The following STAG1 variants were observed in gnomAD, a reference collection of about 807,000 sequenced individuals.
STAG1 encodes the protein cohesin subunit SA-1.
In STAG1, 26 loss-of-function variants were observed where a neutral mutation model predicts 170.9. The observed-to-expected ratio is 0.15, with a 90% CI of 0.11 to 0.21. The LOEUF (loss-of-function observed/expected upper bound fraction) is 0.21, where lower values mean the gene tolerates loss of function less well. STAG1 is among the 10% of genes least tolerant of loss of function. The pLI is 1.00. For missense variants in STAG1, 964 were observed against 1,509.5 expected, an observed-to-expected ratio of 0.64 and a Z score of 5.99; for synonymous variants, 514 against 497.7, an observed-to-expected ratio of 1.03 and a Z score of -0.44.
chr3:136,566,538 T>C (rs1284093580), intron 5 of STAG1, among the ~76,000 whole-genome samples: 3 of 152,238 alleles, frequency 2.0e-5, no homozygotes, highest in African/African-American at 4.8e-5. Flanking sequence ...CTTACTTGTA[T>C]ATTACGTGAA....
chr3:136,356,355 C>T (rs1395056580), intron 28 of STAG1, among the ~76,000 whole-genome samples: 1 of 152,184 alleles, frequency 6.6e-6, no homozygotes, highest in Admixed American at 6.5e-5. Flanking sequence ...CTCCAAAATT[C>T]TATTTATTTA....
At chr3:136,685,977 A>C (rs1054510135) in intron 1 of STAG1, among the ~76,000 whole-genome samples, 1 of 152,248 alleles carries the variant, frequency 6.6e-6, no homozygotes, top group African/African-American at 2.4e-5. Context: ...GTTTTAATAG[A>C]AAGCTCATTG....
chr3:136,451,919 T>G, intron 14 of STAG1, 114 bp downstream of exon 14: 1 of 677,748 alleles, frequency 1.5e-6, no homozygotes, highest in Non-Finnish European at 2.4e-6. Flanking sequence ...TTCATGAAGG[T>G]AACTTTATAA....
intron 3 of STAG1, among the ~76,000 whole-genome samples, chr3:136,608,710 A>G (rs1307401311): frequency 6.2e-5 from 8 of 128,834 alleles, no homozygotes; most frequent in Non-Finnish European, 8.1e-5. Flanking sequence ...AGGCTGAAGT[A>G]GGAGAATCGA....
At chr3:136,382,473 G>C (rs1272056929) in intron 22 of STAG1, among the ~76,000 whole-genome samples, 1 of 151,018 alleles carries the variant, frequency 6.6e-6, no homozygotes, top group African/African-American at 2.4e-5. Flanking sequence ...CGCTATCTCG[G>C]CTCATTGCAA....
intron 9 of STAG1, among the ~76,000 whole-genome samples, chr3:136,486,394 T>C (rs1422870666): frequency 6.6e-6 from 1 of 152,168 alleles, no homozygotes; most frequent in Non-Finnish European, 1.5e-5. Context: ...TACTGGGATG[T>C]CCAAATAAAA....
At chr3:136,566,272 A>G (rs1937072521) in intron 5 of STAG1, among the ~76,000 whole-genome samples, 1 of 152,154 alleles carries the variant, frequency 6.6e-6, no homozygotes, top group South Asian at 2.1e-4. Flanking sequence ...GGACTCCAGA[A>G]AACGCTCTCA....
chr3:136,482,014 C>T (rs1258939128), intron 9 of STAG1, among the ~76,000 whole-genome samples: 1 of 47,698 alleles, frequency 2.1e-5, no homozygotes. Flanking sequence ...TTTGTTGATC[C>T]TTTCAAAAAA....
chr3:136,692,313 CAAAAAAAAA>C (rs71157399), intron 1 of STAG1, among the ~76,000 whole-genome samples: 6 of 46,228 alleles, frequency 1.3e-4, no homozygotes, highest in East Asian at 1.3e-3. Context: ...GACTCCATCT[CAAAAAAAAA>C]AAAAAAAAAA....
At chr3:136,391,054 T>C (rs1214545472) in intron 22 of STAG1, among the ~76,000 whole-genome samples, 2 of 152,194 alleles carry the variant, frequency 1.3e-5, no homozygotes, top group African/African-American at 4.8e-5. Flanking sequence ...GGAGAACCTT[T>C]AGTCAAGACA....
intron 5 of STAG1, among the ~76,000 whole-genome samples, chr3:136,547,040 AC>A (rs1936182267): frequency 6.6e-6 from 1 of 152,172 alleles, no homozygotes; most frequent in African/African-American, 2.4e-5. Flanking sequence ...ATTTTACAAA[AC>A]TTTTATGTAT....
At chr3:136,562,421 C>T (rs560944662) in intron 5 of STAG1, among the ~76,000 whole-genome samples, 3 of 151,278 alleles carry the variant, frequency 2.0e-5, no homozygotes, top group African/African-American at 4.9e-5. Flanking sequence ...CCACCACGCC[C>T]GGCTAATTTT....
At chr3:136,494,726 T>C (rs1394645937) in intron 9 of STAG1, among the ~76,000 whole-genome samples, 1 of 152,056 alleles carries the variant, frequency 6.6e-6, no homozygotes, top group Non-Finnish European at 1.5e-5. Flanking sequence ...AATACATCAA[T>C]CCATCATGAT....
At chr3:136,502,165 C>T (rs1053443511) in intron 8 of STAG1, among the ~76,000 whole-genome samples, 3 of 151,216 alleles carry the variant, frequency 2.0e-5, no homozygotes, top group African/African-American at 4.9e-5. Context: ...GCAACAAGAG[C>T]GAAACTCCAT....
At chr3:136,420,536 C>T (rs976145190) in intron 20 of STAG1, among the ~76,000 whole-genome samples, 4 of 152,166 alleles carry the variant, frequency 2.6e-5, no homozygotes, top group Non-Finnish European at 5.9e-5. Flanking sequence ...ACACAACAAT[C>T]AGTCAGTGTA....
rs1485043710 is a variant in STAG1 at position 136,386,973 on chromosome 3, A to C, written c.2278-9221T>G. ...GCAAAACAAGGACCTAGACCAGATA[A>C]AAATTCTCAGAATACAAAAATAAAG... On this transcript the variant is annotated intron_variant, in intron 22 of 33. Transcript: ENST00000383202. 4.6e-5 allele frequency among the ~76,000 whole-genome samples: 7 copies of C among 152,372 alleles called. No homozygotes were observed. The South Asian group carries it at 1.4e-3, about 32-fold the overall frequency.
chr3:136,583,772 G>A (rs982170436), intron 4 of STAG1, among the ~76,000 whole-genome samples: 1 of 152,138 alleles, frequency 6.6e-6, no homozygotes, highest in African/African-American at 2.4e-5. Context: ...CTGAGCAATA[G>A]AATGAGACAC....
At chr3:136,574,004 G>C (rs1937360677) in intron 4 of STAG1, among the ~76,000 whole-genome samples, 1 of 150,440 alleles carries the variant, frequency 6.6e-6, no homozygotes, top group African/African-American at 2.4e-5. Context: ...AGCACTCTGG[G>C]AGCCGAGGCA....
chr3:136,509,939 T>C (rs956768894), intron 7 of STAG1, among the ~76,000 whole-genome samples: 1 of 152,256 alleles, frequency 6.6e-6, no homozygotes, highest in Non-Finnish European at 1.5e-5. Flanking sequence ...AGAGAGGTGA[T>C]TATAGTACTT....
Sources: gnomAD v4.1 joint callset for allele counts (sites outside exome capture counted in the v4.1 genomes callset) on GRCh38, gnomAD v4.1.1 for gene constraint, MANE v1.5 for transcripts, NCBI Gene and HGNC (gene_info 2026-07-23, HGNC 2026-07-21) for gene names.